Variants in CHD9 observed in about 807,000 individuals in gnomAD.
CHD9 encodes the protein ATP-dependent chromatin remodeler CHD9.
A neutral mutation model predicts 316.1 loss-of-function variants in CHD9; 77 were observed. The ratio of observed to expected loss-of-function variants is 0.24; its 90% CI spans 0.20 to 0.29. CHD9 has a LOEUF of 0.29. Among genes scored for constraint, CHD9 ranks in the 10% least tolerant of loss-of-function variants. The pLI, the probability that CHD9 is intolerant of heterozygous loss-of-function variation, is 1.00. For synonymous variants in CHD9, 1,129 were observed against 1,158.3 expected (o/e 0.97, Z 0.51); for missense variants, 2,763 against 3,438.1 (o/e 0.80, Z 4.91).
intron 2 of CHD9, among the ~76,000 whole-genome samples, chr16:53,160,548 C>CT (rs2041835575): frequency 6.6e-6 from 1 of 150,784 alleles, no homozygotes; most frequent in South Asian, 2.1e-4. Flanking sequence ...TTAACTTGTT[C>CT]TTTTTTCACA....
At chr16:53,116,007 A>G (rs1047269705) in intron 1 of CHD9, among the ~76,000 whole-genome samples, 3 of 152,218 alleles carry the variant, frequency 2.0e-5, no homozygotes, top group Non-Finnish European at 2.9e-5. Context: ...GCTTTCAGTT[A>G]TCTAGAAAGA....
intron 29 of CHD9, among the ~76,000 whole-genome samples, chr16:53,296,720 C>T (rs1331291665): frequency 1.3e-5 from 2 of 152,046 alleles, no homozygotes; most frequent in East Asian, 3.9e-4. Flanking sequence ...GCTGGGATTA[C>T]AGGCATGAGC....
intron 28 of CHD9, 22 bp from the exon 29 acceptor site, chr16:53,292,811 A>G: frequency 3.2e-6 from 5 of 1,542,724 alleles, no homozygotes; most frequent in Non-Finnish European, 4.5e-6. Context: ...AGTTATTATT[A>G]CTATTACTTA....
chr16:53,089,285 C>A (rs1045018316), intron 1 of CHD9, among the ~76,000 whole-genome samples: 1 of 151,716 alleles, frequency 6.6e-6, no homozygotes, highest in Non-Finnish European at 1.5e-5. Flanking sequence ...GATACTGTCT[C>A]AAAAAAACAA....
intron 20 of CHD9, among the ~76,000 whole-genome samples, chr16:53,265,726 TG>T (rs955449617): frequency 6.6e-6 from 1 of 152,004 alleles, no homozygotes; most frequent in Non-Finnish European, 1.5e-5. Flanking sequence ...AATATTTGGG[TG>T]GGAAAACATT....
rs544033461 is a variant in CHD9, at chr16:53,239,610, C to T, written c.2877+1024C>T. 1.1e-4 allele frequency among the ~76,000 whole-genome samples: 17 copies of T among 152,176 alleles called. No homozygotes were observed. The East Asian group carries it at 3.1e-3, about 28-fold the overall frequency. On this transcript the variant is annotated intron_variant, in intron 12 of 38. Coordinates refer to ENST00000447540, the MANE Select transcript of CHD9 (RefSeq NM_001308319.2). ...GCACTTTAGTATTTTTTCTTTCCCTCATTCTGTTGTTCTAAAAGGATCATT... is the reference window on the plus strand; with the variant it reads ...GCACTTTAGTATTTTTTCTTTCCCTTATTCTGTTGTTCTAAAAGGATCATT...
At chr16:53,250,141 ATCTT>A in intron 17 of CHD9, 75 bp downstream of exon 17, 1 of 1,003,978 alleles carries the variant, frequency 1.0e-6, no homozygotes, top group Non-Finnish European at 1.5e-6. Flanking sequence ...GGTAATCCAC[ATCTT>A]TTATTTTTAT....
intron 1 of CHD9, among the ~76,000 whole-genome samples, chr16:53,075,047 A>G (rs2034405404): frequency 6.6e-6 from 1 of 152,236 alleles, no homozygotes; most frequent in South Asian, 2.1e-4. Context: ...GAGCTGCCCA[A>G]GGCCACAGTA....
At chr16:53,160,471 T>C (rs2041830553) in intron 2 of CHD9, among the ~76,000 whole-genome samples, 2 of 152,202 alleles carry the variant, frequency 1.3e-5, no homozygotes, top group Admixed American at 1.3e-4. Flanking sequence ...AATCATCTTA[T>C]TCTACACTGA....
intron 1 of CHD9, among the ~76,000 whole-genome samples, chr16:53,135,668 A>G (rs2039660814): frequency 6.6e-6 from 1 of 152,208 alleles, no homozygotes; most frequent in Non-Finnish European, 1.5e-5. Flanking sequence ...ATCCCTGGAC[A>G]AGTGCTTCAG....
chr16:53,192,434 G>C (rs1205583236), intron 2 of CHD9, among the ~76,000 whole-genome samples: 1 of 152,206 alleles, frequency 6.6e-6, no homozygotes, highest in Non-Finnish European at 1.5e-5. Context: ...AGTGGTATTA[G>C]CTTCTTAGTA....
At chr16:53,264,385 C>G (rs56204216) in intron 20 of CHD9, among the ~76,000 whole-genome samples, 371 of 151,810 alleles carry the variant, frequency 2.4e-3, no homozygotes, top group African/African-American at 8.2e-3. Context: ...ACTAAATTTT[C>G]TATATGGGAG....
At chr16:53,244,427 G>A (rs1386730136) in intron 13 of CHD9, among the ~76,000 whole-genome samples, 3 of 152,036 alleles carry the variant, frequency 2.0e-5, no homozygotes, top group East Asian at 1.9e-4. Context: ...CTCCGACCTC[G>A]TGATCTGCCT....
intron 1 of CHD9, among the ~76,000 whole-genome samples, chr16:53,115,246 C>T (rs972896731): frequency 3.3e-5 from 5 of 152,150 alleles, no homozygotes; most frequent in Admixed American, 3.3e-4. Context: ...GAAGGACTCA[C>T]CCAGATAATA....
At chr16:53,071,035 A>G (rs182651988) in intron 1 of CHD9, among the ~76,000 whole-genome samples, 4 of 152,308 alleles carry the variant, frequency 2.6e-5, no homozygotes, top group Admixed American at 2.6e-4. Context: ...GCAAAAAGTC[A>G]TTGAGATTTT....
chr16:53,108,178 A>C (rs1367909847), intron 1 of CHD9, among the ~76,000 whole-genome samples: 1 of 152,182 alleles, frequency 6.6e-6, no homozygotes, highest in African/African-American at 2.4e-5. Flanking sequence ...AGCAATACCC[A>C]CTTTTAGGTT....
At chr16:53,108,444 G>A (rs965654598) in intron 1 of CHD9, among the ~76,000 whole-genome samples, 4 of 152,132 alleles carry the variant, frequency 2.6e-5, no homozygotes, top group Admixed American at 6.6e-5. Flanking sequence ...GGTGGAGGCT[G>A]CAGTGAGCTA....
At position 53,325,680 on chromosome 16, in the gene CHD9, A is replaced by G. The variant is rs1049970377; in HGVS notation, c.*785A>G. On this transcript the variant is annotated 3_prime_UTR_variant, in exon 39 of 39. Coordinates refer to ENST00000447540, the MANE Select transcript of CHD9 (RefSeq NM_001308319.2). The stretch of plus-strand genomic sequence containing the variant: ...TGTGACTTTGGCACCCTATAGACAT[A>G]CTTAGTTTTAACTTTTCAAAGTTTG... 1 of 152,378 alleles carries G rather than the reference A, an allele frequency of 6.6e-6. No individual in the cohort carries two copies. Among genetic ancestry groups the G allele is most frequent in the African/African-American group, 2.4e-5 (1 of 41,456 alleles). The allele number at this position is 152,378 out of a possible 1,614,324, so 9.4% of individuals were successfully genotyped here.
At chr16:53,231,833 G>A (rs771400629) in intron 10 of CHD9, 49 bp downstream of exon 10, 47 of 1,485,060 alleles carry the variant, frequency 3.2e-5, no homozygotes, top group Non-Finnish European at 3.7e-5. Flanking sequence ...ACTTGTTTAT[G>A]TAAGTTATGA....
Sources: allele counts gnomAD v4.1 joint callset (sites outside exome capture counted in the v4.1 genomes callset), GRCh38; gene constraint gnomAD v4.1.1; transcripts MANE v1.5; gene names NCBI Gene and HGNC (gene_info 2026-07-23, HGNC 2026-07-21).